Variants in LAMB2 observed in about 807,000 individuals in gnomAD.
LAMB2 encodes the protein laminin subunit beta 2, also known as laminin subunit beta-2.
Under a neutral mutation model 202.7 loss-of-function variants are expected in LAMB2, and 119 were observed. That is an observed-to-expected ratio of 0.59 (90% CI 0.51 to 0.68). LAMB2 has a LOEUF of 0.68. LAMB2 is among the 30% of genes least tolerant of loss of function. The pLI is 0.00. For missense variants in LAMB2, 2,124 were observed against 2,410.6 expected (o/e 0.88, Z 2.49); for synonymous variants, 818 against 902.2 (o/e 0.91, Z 1.67).
At chr3:49,127,890 T>C (rs573543325) in intron 15 of LAMB2, among the ~76,000 whole-genome samples, 3 of 147,198 alleles carry the variant, frequency 2.0e-5, no homozygotes, top group East Asian at 4.0e-4. Flanking sequence ...CGTGGTGGCG[T>C]GCACCTGTAG....
Position 49,122,934 on chromosome 3 carries a change from G to A in LAMB2, c.4343C>T (p.Thr1448Ile), listed in dbSNP as rs756980732. 1.9e-6 allele frequency: 3 copies of A among 1,608,694 alleles called. No homozygotes were observed. Among genetic ancestry groups the A allele is most frequent in the East Asian group, 4.5e-5 (2 of 44,876 alleles). The change falls in exon 27 of 32, where the codon ACA becomes ATA. Residue 1448 changes from threonine (T) to isoleucine (I), a missense_variant. Transcript: ENST00000305544. ...GGLSCNGAAA[T>I]ADLALGRARH... Reference sequence around the variant, plus strand: ...GGCCCGGCCCAGTGCTAGGTCTGCTGTAGCCGCTGCCCCATTGCAGCTGAG... The same window carrying A: ...GGCCCGGCCCAGTGCTAGGTCTGCTATAGCCGCTGCCCCATTGCAGCTGAG...
rs1454668717 is a variant in LAMB2, at chr3:49,132,679, C to G, written c.77-16G>C. The stretch of plus-strand genomic sequence containing the variant: ...GCAGCCAGCACTGGGGACAGTAGCT[C>G]AGTCAGTTCCGCTGAGTTCCTATCC... On this transcript the variant is annotated splice_polypyrimidine_tract_variant and intron_variant, in intron 1 of 31. Coordinates refer to ENST00000305544, the MANE Select transcript of LAMB2 (RefSeq NM_002292.4). This position sits in a 1 kb window ranked among gnomAD's most constrained non-coding sequence, Gnocchi z 4.6. The G allele has an allele frequency of 1.2e-6, 2 of 1,614,200 alleles. No homozygotes were observed. Among genetic ancestry groups the G allele is most frequent in the Non-Finnish European group, 1.7e-6 (2 of 1,180,032 alleles).
chr3:49,132,365 A>G lies in LAMB2; in HGVS notation c.290T>C (p.Phe97Ser). ...GCTGTGTGGGTTGTCTCTAGCAGAG[A>G]AGGGGCGCCGGGAGTCACAAAGGAA... The part of the protein sequence containing the change: ...KCFLCDSRRP[F>S]SARDNPHSHR... Residue 97 changes from phenylalanine to serine, a missense_variant, in exon 3 of 32, where the codon TTC becomes TCC. Phe to Ser is a radical substitution (Grantham distance 155). This residue lies in a region of LAMB2 where 166 missense variants were observed against 158.2 expected (regional missense o/e 1.05). Transcript: ENST00000305544. This position sits in a 1 kb window ranked among gnomAD's most constrained non-coding sequence, Gnocchi z 4.6. 2 of 1,614,192 alleles carry G rather than the reference A, an allele frequency of 1.2e-6. No homozygotes were observed. Among genetic ancestry groups the G allele is most frequent in the Non-Finnish European group, 1.7e-6 (2 of 1,180,034 alleles).
In LAMB2 at chr3:49,121,345, C is replaced by T. The variant is rs755286120; in HGVS notation, c.5278G>A (p.Glu1760Lys). The change falls in exon 32 of 32, where the codon GAG becomes AAG. Residue 1760 changes from glutamate (E) to lysine (K), a missense_variant. By Grantham distance (56) the Glu-to-Lys change is moderately conservative. Around this residue, in one of 3 missense-constraint regions of LAMB2, gnomAD observed 1,702 missense variants for 1,896.3 expected, o/e 0.90. Transcript: ENST00000305544. ...QRLQELEGTY[E>K]ENERALESKA... ...CTCTCCAGTGCCCGCTCATTTTCCT[C>T]ATAGGTGCCTTCCAATTCTAGGAAG... is the stretch of plus-strand genomic sequence containing the variant. 2 of 1,614,188 alleles carry T rather than the reference C, an allele frequency of 1.2e-6. No homozygotes were observed. The highest frequency in any genetic ancestry group is 1.7e-6 in the Non-Finnish European group (2 of 1,180,056).
chr3:49,132,474 C>T lies in LAMB2; in HGVS notation c.249+17G>A. On this transcript the variant is annotated intron_variant, in intron 2 of 31. Coordinates refer to ENST00000305544, the MANE Select transcript of LAMB2 (RefSeq NM_002292.4). The surrounding 1 kb of genome is among the most constrained non-coding windows in gnomAD (Gnocchi z 4.6). ...GCCCCACCCTGACTCGGCGTCACAC[C>T]CTGTCCCCAGCCACACCTGCAGGTG... is the stretch of plus-strand genomic sequence containing the variant. The T allele has an allele frequency of 6.2e-7, 1 of 1,614,094 alleles. No individual in the cohort carries two copies. The highest frequency in any genetic ancestry group is 8.5e-7 in the Non-Finnish European group (1 of 1,180,004).
chr3:49,129,661 G>C lies in LAMB2; in HGVS notation c.1461C>G (p.Asn487Lys). The stretch of plus-strand genomic sequence containing the variant: ...GACGTTTGCAGTAACAGGATCCACT[G>C]TTGGGGTCACAAGGAGTGCTCCCAG... Reference protein sequence around the residue: ...TVPGSTPCDPNSGSCYCKRLV... With the variant: ...TVPGSTPCDPKSGSCYCKRLV... The change falls in exon 11 of 32, where the codon AAC (asparagine) becomes AAG (lysine). Residue 487 changes from asparagine (N) to lysine (K), a missense_variant. Coordinates refer to ENST00000305544, the MANE Select transcript of LAMB2 (RefSeq NM_002292.4). The surrounding 1 kb of genome is among the most constrained non-coding windows in gnomAD (Gnocchi z 6.1). 3.7e-6 allele frequency: 6 copies of C among 1,614,198 alleles called. No individual in the cohort carries two copies. Among genetic ancestry groups the C allele is most frequent in the South Asian group, 1.1e-5 (1 of 91,086 alleles).
Position 49,129,716 on chromosome 3 carries a change from C to T in LAMB2, c.1406G>A (p.Arg469Gln), listed in dbSNP as rs1166721867. ...LSISDRLGCR[R>Q]CQCNARGTVP... is the part of the protein sequence containing the mutation. ...TGTGCCCCGTGCATTACATTGACAT[C>T]CTGCAGGGAAGGAGAACCATCAGCA... The change falls in exon 11 of 32, where the codon CGA (arginine) becomes CAA (glutamine). Residue 469 changes from arginine (R) to glutamine (Q), a missense_variant and splice_region_variant. Physicochemically the swap from Arg to Gln is conservative, Grantham distance 43. Transcript: ENST00000305544. The surrounding 1 kb of genome is among the most constrained non-coding windows in gnomAD (Gnocchi z 6.1). 26 of 1,613,538 alleles carry T rather than the reference C, an allele frequency of 1.6e-5. No homozygotes were observed. In the East Asian group the frequency reaches 5.8e-4, roughly 36 times the overall value.
chr3:49,130,251 C>A lies in LAMB2; in HGVS notation c.1205G>T (p.Arg402Leu). ...FFYRDPTKDL[R>L]DPAVCRSCDC... is the part of the protein sequence containing the mutation. ...CTCACAGCGGCACACAGCCGGATCC[C>A]GCAGGTCCTTGGTTGGGTCACGGTA... The change falls in exon 9 of 32, where the codon CGG becomes CTG. Residue 402 changes from arginine (R) to leucine (L), a missense_variant. Transcript: ENST00000305544. This position sits in a 1 kb window ranked among gnomAD's most constrained non-coding sequence, Gnocchi z 5.0. 6.2e-7 allele frequency: 1 copy of A among 1,614,222 alleles called. No individual in the cohort carries two copies. Among genetic ancestry groups the A allele is most frequent in the East Asian group, 2.2e-5 (1 of 44,880 alleles).
At position 49,123,559 on chromosome 3, in the gene LAMB2, G is replaced by A. The variant is rs138665073; in HGVS notation, c.3870C>T (p.Asn1290=). The change falls in exon 25 of 32, where the codon AAC becomes AAT. Residue 1290 remains asparagine (N), a synonymous_variant. Coordinates refer to ENST00000305544, the MANE Select transcript of LAMB2 (RefSeq NM_002292.4). The part of the protein sequence containing the change: ...EADLTDVQDE[N]FNANHALSGL... ...CACTTAGTGCATGGTTGGCATTGAA[G>A]TTCTCATCTTGCACATCTGTCAGGT... 1.2e-6 allele frequency: 2 copies of A among 1,614,058 alleles called. No homozygotes were observed. The highest frequency in any genetic ancestry group is 2.7e-5 in the African/African-American group (2 of 74,926).
rs2107639949 is a variant in LAMB2, at chr3:49,125,802, G to A, written c.2433C>T (p.Arg811=). 5.6e-6 allele frequency: 9 copies of A among 1,614,180 alleles called. No homozygotes were observed. The highest frequency in any genetic ancestry group is 1.1e-5 in the South Asian group (1 of 91,080). The change falls in exon 18 of 32, where the codon CGC becomes CGT. Residue 811 remains arginine, a synonymous_variant. Coordinates refer to ENST00000305544, the MANE Select transcript of LAMB2 (RefSeq NM_002292.4). ...AGCCAGGGGCACAGAGGTCACAGCG[G>A]CGCCCAACCACTCCAGGCTTGCACA... ...QCLCKPGVVG[R]RCDLCAPGYY... is the part of the protein sequence containing the mutation.
chr3:49,123,697 T>C (rs1176490170), intron 24 of LAMB2, 31 bp downstream of exon 24: 1 of 1,613,648 alleles, frequency 6.2e-7, no homozygotes, highest in East Asian at 2.2e-5. Flanking sequence ...CTCTGCCCCA[T>C]CCCACCATGT....
chr3:49,132,417 G>T lies in LAMB2; in HGVS notation c.250-12C>A. On this transcript the variant is annotated splice_polypyrimidine_tract_variant and intron_variant, in intron 2 of 31. Coordinates refer to ENST00000305544, the MANE Select transcript of LAMB2 (RefSeq NM_002292.4). This position sits in a 1 kb window ranked among gnomAD's most constrained non-coding sequence, Gnocchi z 4.6. ...CACTTCTTTTCGTCCTGGGTTGGATGGGGATTAGAATCAGTGCCTCAGGCA... is the reference window on the plus strand; with the variant it reads ...CACTTCTTTTCGTCCTGGGTTGGATTGGGATTAGAATCAGTGCCTCAGGCA... 1 of 1,614,248 alleles carries T rather than the reference G, an allele frequency of 6.2e-7. No individual in the cohort carries two copies. The highest frequency in any genetic ancestry group is 8.5e-7 in the Non-Finnish European group (1 of 1,180,052).
In LAMB2 at chr3:49,131,660, A is replaced by G. The variant is rs1297359753; in HGVS notation, c.523T>C (p.Tyr175His). The part of the protein sequence containing the change: ...SADFGRTWHV[Y>H]RYFSYDCGAD... ...CCACAGTCATAGGAGAAATATCGGT[A>G]CACATGCCAGGTGCGGCCAAAGTCT... The change falls in exon 5 of 32, where the codon TAC becomes CAC. Residue 175 changes from tyrosine (Y) to histidine (H), a missense_variant. This residue lies in a region of LAMB2 where 256 missense variants were observed against 356.1 expected (regional missense o/e 0.72). Coordinates refer to ENST00000305544, the MANE Select transcript of LAMB2 (RefSeq NM_002292.4). This position sits in a 1 kb window ranked among gnomAD's most constrained non-coding sequence, Gnocchi z 5.0. The G allele has an allele frequency of 6.2e-7, 1 of 1,613,560 alleles. No homozygotes were observed. Among genetic ancestry groups the G allele is most frequent in the African/African-American group, 1.3e-5 (1 of 74,904 alleles).
chr3:49,130,655 G>A lies in LAMB2; in HGVS notation c.1036+85C>T. On this transcript the variant is annotated intron_variant, in intron 8 of 31. Transcript: ENST00000305544. The surrounding 1 kb of genome is among the most constrained non-coding windows in gnomAD (Gnocchi z 5.0). ...CTTTGGATACAGCCTGGGTTTTAGG[G>A]GCTTGACCAACTAGCTCTAGGTTCT... The A allele has an allele frequency of 1.3e-6, 2 of 1,597,650 alleles. No individual in the cohort carries two copies.
intron 15 of LAMB2, 26 bp from the exon 16 acceptor site, chr3:49,126,523 G>A (rs1478663096): frequency 6.2e-7 from 1 of 1,613,782 alleles, no homozygotes; most frequent in Admixed American, 1.7e-5. Flanking sequence ...GACAGGTGCA[G>A]TGGGTCATCT....
At position 49,121,441 on chromosome 3, in the gene LAMB2, C is replaced by T; in HGVS notation, c.5252G>A (p.Arg1751Gln). The change falls in exon 31 of 32, where the codon CGG becomes CAG. Residue 1751 changes from arginine to glutamine, a missense_variant. Around this residue, in one of 3 missense-constraint regions of LAMB2, gnomAD observed 1,702 missense variants for 1,896.3 expected, o/e 0.90. Transcript: ENST00000305544. ...LLQAAQDKLQ[R>Q]LQELEGTYEE... is the part of the protein sequence containing the mutation. ...GGTGCCCCATTTCTTACCCTGTAGCCGCTGCAGCTTGTCCTGAGCGGCTTG... is the reference window on the plus strand; with the variant it reads ...GGTGCCCCATTTCTTACCCTGTAGCTGCTGCAGCTTGTCCTGAGCGGCTTG... 1 of 1,614,096 alleles carries T rather than the reference C, an allele frequency of 6.2e-7. No individual in the cohort carries two copies. The highest frequency in any genetic ancestry group is 1.1e-5 in the South Asian group (1 of 91,086).
Position 49,130,527 on chromosome 3 carries a change from G to T in LAMB2, c.1037-108C>A. The T allele has an allele frequency of 7.0e-7, 1 of 1,430,734 alleles. No homozygotes were observed. The highest frequency in any genetic ancestry group is 9.8e-7 in the Non-Finnish European group (1 of 1,019,894). 88.6% of individuals were successfully genotyped at this position (1,430,734 alleles called of 1,614,324 possible). A position where few individuals can be genotyped will look rare whatever the true frequency, so the allele number is the denominator to read the frequency against. On this transcript the variant is annotated intron_variant, in intron 8 of 31. Coordinates refer to ENST00000305544, the MANE Select transcript of LAMB2 (RefSeq NM_002292.4). This position sits in a 1 kb window ranked among gnomAD's most constrained non-coding sequence, Gnocchi z 5.0. ...TCACAGGCCAGAATTTGTGGGTAGG[G>T]GCTCAGGGACTTCAAGGCCTCAGCA...
At chr3:49,126,955 C>G (rs912535974) in intron 15 of LAMB2, among the ~76,000 whole-genome samples, 1 of 152,070 alleles carries the variant, frequency 6.6e-6, no homozygotes, top group East Asian at 1.9e-4. Context: ...TCTTCAATCC[C>G]TCATCTTTTT....
rs759810449 is a variant in LAMB2, at chr3:49,129,652, G to T, written c.1470C>A (p.Ser490=). 1.2e-6 allele frequency: 2 copies of T among 1,614,186 alleles called. No individual in the cohort carries two copies. Among genetic ancestry groups the T allele is most frequent in the Non-Finnish European group, 1.7e-6 (2 of 1,180,018 alleles). ...CAGTCACTAGACGTTTGCAGTAACAGGATCCACTGTTGGGGTCACAAGGAG... is the reference window on the plus strand; with the variant it reads ...CAGTCACTAGACGTTTGCAGTAACATGATCCACTGTTGGGGTCACAAGGAG... The part of the protein sequence containing the change: ...GSTPCDPNSG[S]CYCKRLVTGR... The change falls in exon 11 of 32, where the codon TCC becomes TCA. Residue 490 remains serine (S), a synonymous_variant. Coordinates refer to ENST00000305544, the MANE Select transcript of LAMB2 (RefSeq NM_002292.4). The surrounding 1 kb of genome is among the most constrained non-coding windows in gnomAD (Gnocchi z 6.1).
Sources: allele counts gnomAD v4.1 joint callset (sites outside exome capture counted in the v4.1 genomes callset), GRCh38; gene constraint gnomAD v4.1.1; regional missense constraint gnomAD v4.1.1; non-coding constraint Gnocchi (gnomAD v3.1); transcripts MANE v1.5; gene names NCBI Gene and HGNC (gene_info 2026-07-23, HGNC 2026-07-21).